Variants in PCDHA13 observed in about 807,000 individuals in gnomAD.
The protein encoded by PCDHA13 is protocadherin alpha-13.
PCDHA13 carries 54 observed loss-of-function variants against 64.8 expected under a neutral mutation model. That is an observed-to-expected ratio of 0.83 (90% confidence interval 0.67 to 1.04). The LOEUF (loss-of-function observed/expected upper bound fraction) is 1.04. Among genes scored for constraint, PCDHA13 ranks in the 50% least tolerant of loss-of-function variants. The pLI, the probability that PCDHA13 is intolerant of heterozygous loss-of-function variation, is 0.00. For missense variants in PCDHA13, 1,248 were observed against 1,254.3 expected, an observed-to-expected ratio of 0.99 and a Z score of 0.08; for synonymous variants, 587 against 564.4, an observed-to-expected ratio of 1.04 and a Z score of -0.57.
chr5:140,899,402 G>T (rs1465071147), intron 1 of PCDHA13, among the ~76,000 whole-genome samples: 2 of 152,004 alleles, frequency 1.3e-5, no homozygotes, highest in South Asian at 2.1e-4. Context: ...TAGCATGAAG[G>T]GTTGTTGAAT....
At chr5:140,936,291 A>G (rs996685658) in intron 1 of PCDHA13, among the ~76,000 whole-genome samples, 2 of 152,174 alleles carry the variant, frequency 1.3e-5, no homozygotes, top group African/African-American at 4.8e-5. Flanking sequence ...CTTCTATAAC[A>G]TTGCTATCCA....
Position 140,982,613 on chromosome 5 carries a change from A to G in PCDHA13, c.2542+50A>G, listed in dbSNP as rs201150239. ...CTTTCTTGGTTTCTGGAAAGTGATC[A>G]GATGACCTACTTTTGTAAGATCAGG... On this transcript the variant is annotated intron_variant, in intron 3 of 3. Transcript: ENST00000289272. 2.7e-5 allele frequency: 43 copies of G among 1,599,298 alleles called. No individual in the cohort carries two copies. The Admixed American group carries it at 7.0e-4, about 26-fold the overall frequency.
At chr5:140,980,858 A>T (rs2096908934) in intron 2 of PCDHA13, among the ~76,000 whole-genome samples, 2 of 152,162 alleles carry the variant, frequency 1.3e-5, no homozygotes, top group Admixed American at 1.3e-4. Flanking sequence ...TCTTTTTCGT[A>T]TGTGTGCTTG....
chr5:140,987,155 A>G (rs2097233368), intron 3 of PCDHA13, among the ~76,000 whole-genome samples: 1 of 151,902 alleles, frequency 6.6e-6, no homozygotes, highest in South Asian at 2.1e-4. Context: ...TGGAGGTTGC[A>G]GTGAGCTGAG....
At chr5:140,969,064 C>T (rs2096292525) in intron 1 of PCDHA13, 1 of 1,614,136 alleles carries the variant, frequency 6.2e-7, no homozygotes, top group Non-Finnish European at 8.5e-7. Context: ...ATATTGATGC[C>T]AGGATACCGC....
chr5:140,946,163 T>C (rs1345991689), intron 1 of PCDHA13, among the ~76,000 whole-genome samples: 1 of 151,884 alleles, frequency 6.6e-6, no homozygotes, highest in African/African-American at 2.4e-5. Flanking sequence ...ATTTAAAAGA[T>C]GGGTAAAGGA....
At chr5:140,901,952 C>T (rs1427349795) in intron 1 of PCDHA13, among the ~76,000 whole-genome samples, 6 of 151,888 alleles carry the variant, frequency 4.0e-5, no homozygotes, top group Non-Finnish European at 8.8e-5. Context: ...TAGTTTTATT[C>T]GTGGCTATCG....
At chr5:140,967,141 G>T in intron 1 of PCDHA13, 2 of 1,611,258 alleles carry the variant, frequency 1.2e-6, no homozygotes, top group South Asian at 1.1e-5. Flanking sequence ...AAGTGCTGGC[G>T]CACAACCCCG....
intron 1 of PCDHA13, among the ~76,000 whole-genome samples, chr5:140,892,256 A>AT (rs1283359328): frequency 6.6e-6 from 1 of 151,996 alleles, no homozygotes; most frequent in Non-Finnish European, 1.5e-5. Context: ...GTTATCTTTG[A>AT]TTTTGTGCTG....
At chr5:140,927,808 T>C (rs782535814) in intron 1 of PCDHA13, 116 of 1,614,090 alleles carry the variant, frequency 7.2e-5, no homozygotes, top group Non-Finnish European at 9.6e-5. Context: ...TGAAACGCTC[T>C]TGGAGGCATA....
rs782052342 is a variant in PCDHA13, at chr5:140,927,029, C to T, written c.2394+42367C>T. On this transcript the variant is annotated intron_variant, in intron 1 of 3. Transcript: ENST00000289272. ...AATCTCTCCGCGGACTTGAGGCTGC[C>T]AGCGGCCGCTATGTCCTCGCGGAAC... 1.9e-6 allele frequency: 3 copies of T among 1,612,358 alleles called. No homozygotes were observed. In the South Asian group the frequency reaches 3.3e-5, roughly 18 times the overall value.
chr5:140,928,570 C>G, intron 1 of PCDHA13: 1 of 1,614,196 alleles, frequency 6.2e-7, no homozygotes, highest in Non-Finnish European at 8.5e-7. Flanking sequence ...GTTTCCCTTG[C>G]CCAGAAATGG....
At chr5:140,887,438 A>T (rs540823028) in intron 1 of PCDHA13, among the ~76,000 whole-genome samples, 3 of 152,268 alleles carry the variant, frequency 2.0e-5, no homozygotes, top group Admixed American at 6.5e-5. Flanking sequence ...TTCACTGGGC[A>T]TAGTTGACAG....
chr5:141,000,805 G>C (rs1049253262), intron 3 of PCDHA13, among the ~76,000 whole-genome samples: 2 of 151,852 alleles, frequency 1.3e-5, no homozygotes, highest in Non-Finnish European at 2.9e-5. Context: ...TACTCAGAAG[G>C]CTGAGGTGGG....
chr5:141,005,701 CAAAAAAAAAAAAAAAA>C (rs59860837), intron 3 of PCDHA13, among the ~76,000 whole-genome samples: 5 of 7,786 alleles, frequency 6.4e-4, no homozygotes, highest in African/African-American at 1.9e-3. Context: ...AACTCCGTCT[CAAAAAAAAAAAAAAAA>C]AAAAAAAAAA....
chr5:140,942,478 C>T (rs2093304158), intron 1 of PCDHA13, among the ~76,000 whole-genome samples: 1 of 151,408 alleles, frequency 6.6e-6, no homozygotes, highest in African/African-American at 2.4e-5. Flanking sequence ...ATTCAAGCTA[C>T]AACTGAAATA....
chr5:140,961,748 A>G (rs2095633419), intron 1 of PCDHA13, among the ~76,000 whole-genome samples: 1 of 152,184 alleles, frequency 6.6e-6, no homozygotes, highest in Non-Finnish European at 1.5e-5. Flanking sequence ...GTAATATTAC[A>G]GTTTTGAAGG....
intron 1 of PCDHA13, among the ~76,000 whole-genome samples, chr5:140,885,154 T>C (rs1483016887): frequency 2.0e-5 from 3 of 152,168 alleles, no homozygotes; most frequent in African/African-American, 7.2e-5. Context: ...GTTTTGATTG[T>C]CTCTACTTTT....
intron 1 of PCDHA13, among the ~76,000 whole-genome samples, chr5:140,901,405 G>C (rs1366026091): frequency 6.6e-6 from 1 of 152,128 alleles, no homozygotes; most frequent in Non-Finnish European, 1.5e-5. Context: ...TGAGAGATAG[G>C]GGTCTAGTTT....
Sources: gnomAD v4.1 joint callset for allele counts (sites outside exome capture counted in the v4.1 genomes callset) on GRCh38, gnomAD v4.1.1 for gene constraint, MANE v1.5 for transcripts, NCBI Gene and HGNC (gene_info 2026-07-23, HGNC 2026-07-21) for gene names.